Variants in RALY observed in about 807,000 individuals in gnomAD.
RALY encodes the protein RALY heterogeneous nuclear ribonucleoprotein, also known as RNA-binding protein Raly.
Under a neutral mutation model 30.7 loss-of-function variants are expected in RALY, and 15 were observed. The ratio of observed to expected loss-of-function variants is 0.49; its 90% CI spans 0.33 to 0.75. The LOEUF is 0.75. RALY is among the 30% of genes least tolerant of loss of function. RALY has a pLI of 0.02. For synonymous variants in RALY, 177 were observed against 170.8 expected, an observed-to-expected ratio of 1.04 and a Z score of -0.28; for missense variants, 339 against 414.3, an observed-to-expected ratio of 0.82 and a Z score of 1.58.
chr20:34,057,364 A>G (rs540429391), intron 2 of RALY, among the ~76,000 whole-genome samples: 1 of 152,346 alleles, frequency 6.6e-6, no homozygotes, highest in Admixed American at 6.5e-5. Flanking sequence ...ATTATTGGTT[A>G]AGAATTTTAA....
intron 2 of RALY, among the ~76,000 whole-genome samples, chr20:34,052,802 C>T (rs1045395655): frequency 5.9e-5 from 9 of 152,148 alleles, no homozygotes; most frequent in African/African-American, 2.2e-4. Context: ...CAGTCCAGCT[C>T]CTACTAAGAA....
intron 1 of RALY, among the ~76,000 whole-genome samples, chr20:34,024,556 A>G (rs2031948491): frequency 1.3e-5 from 2 of 152,136 alleles, no homozygotes; most frequent in South Asian, 4.1e-4. Flanking sequence ...ATTGAGTTTC[A>G]TCTATTTATG....
intron 1 of RALY, among the ~76,000 whole-genome samples, chr20:34,028,062 C>T (rs1395952295): frequency 2.0e-5 from 3 of 152,114 alleles, no homozygotes; most frequent in African/African-American, 7.2e-5. Context: ...GAGGCCAAGG[C>T]AAGCAGATAA....
intron 8 of RALY, chr20:34,077,712 C>T (rs2033934382): frequency 9.0e-6 from 2 of 222,798 alleles, no homozygotes; most frequent in Non-Finnish European, 1.8e-5. Flanking sequence ...GCCGGCAGGC[C>T]ATTTGACAAG....
chr20:34,066,295 A>G (rs774018375), intron 2 of RALY, among the ~76,000 whole-genome samples: 5 of 151,504 alleles, frequency 3.3e-5, no homozygotes, highest in Non-Finnish European at 5.9e-5. Flanking sequence ...CCTGACTAGC[A>G]TGGTGAAACC....
At chr20:34,027,744 A>G (rs2032097744) in intron 1 of RALY, among the ~76,000 whole-genome samples, 1 of 152,240 alleles carries the variant, frequency 6.6e-6, no homozygotes, top group Admixed American at 6.5e-5. Context: ...GACTAATTAG[A>G]TAGAAGGTTC....
intron 4 of RALY, 76 bp downstream of exon 4, chr20:34,073,711 CAG>C: frequency 6.5e-7 from 1 of 1,542,104 alleles, no homozygotes; most frequent in Non-Finnish European, 9.0e-7. Context: ...GCTGGTGTGA[CAG>C]TGTGCTGAAT....
chr20:34,080,807 T>C lies in RALY; in HGVS notation c.*902T>C, dbSNP rs567954760. ...CCTGCTTACTCCAGCCTCTCCTGTT[T>C]CTTGTCACCACCCCTTTCCTGCCCC... is the stretch of plus-strand genomic sequence containing the variant. On this transcript the variant is annotated 3_prime_UTR_variant, in exon 10 of 10. Transcript: ENST00000246194. 2.0e-5 allele frequency: 3 copies of C among 152,520 alleles called. No individual in the cohort carries two copies. In the East Asian group the frequency reaches 5.8e-4, roughly 29 times the overall value. 9.4% of individuals were successfully genotyped at this position (152,520 alleles called of 1,614,324 possible). A position where few individuals can be genotyped will look rare whatever the true frequency, so the allele number is the denominator to read the frequency against.
chr20:34,058,688 A>G (rs1037564733), intron 2 of RALY, among the ~76,000 whole-genome samples: 3 of 152,128 alleles, frequency 2.0e-5, no homozygotes, highest in Admixed American at 6.5e-5. Context: ...CATTGGCTCA[A>G]TGAGTTTAAT....
chr20:34,022,871 G>A (rs1474496124), intron 1 of RALY, among the ~76,000 whole-genome samples: 1 of 152,182 alleles, frequency 6.6e-6, no homozygotes, highest in Non-Finnish European at 1.5e-5. Context: ...TCATAGCATA[G>A]CATTTTTTCC....
chr20:34,057,644 G>A (rs1199710826), intron 2 of RALY, among the ~76,000 whole-genome samples: 13 of 146,360 alleles, frequency 8.9e-5, no homozygotes, highest in African/African-American at 3.3e-4. Flanking sequence ...TCCAGCCTGG[G>A]CGACAGAGCG....
intron 2 of RALY, among the ~76,000 whole-genome samples, chr20:34,061,165 C>T (rs2033404591): frequency 1.3e-5 from 2 of 152,164 alleles, no homozygotes; most frequent in Non-Finnish European, 2.9e-5. Flanking sequence ...AATATACCCC[C>T]AGGCTTCAGG....
At chr20:34,006,874 CG>C (rs1568650740) in intron 1 of RALY, among the ~76,000 whole-genome samples, 1 of 152,096 alleles carries the variant, frequency 6.6e-6, no homozygotes, top group African/African-American at 2.4e-5. Flanking sequence ...AATGTATCCC[CG>C]TTGCTAAGTG....
chr20:34,020,156 G>C (rs919403025), intron 1 of RALY, among the ~76,000 whole-genome samples: 6 of 152,206 alleles, frequency 3.9e-5, no homozygotes, highest in Admixed American at 3.9e-4. Context: ...AGAACTCCCA[G>C]TAAATTAGAT....
At chr20:34,012,988 A>G (rs921945794) in intron 1 of RALY, among the ~76,000 whole-genome samples, 1 of 152,238 alleles carries the variant, frequency 6.6e-6, no homozygotes, top group African/African-American at 2.4e-5. Context: ...TAGAAACGGT[A>G]CTTGGACTAC....
chr20:34,000,200 T>C (rs1249192161), intron 1 of RALY, among the ~76,000 whole-genome samples: 1 of 152,168 alleles, frequency 6.6e-6, no homozygotes, highest in African/African-American at 2.4e-5. Context: ...CACAGACCCT[T>C]AGGAATAGAG....
intron 2 of RALY, among the ~76,000 whole-genome samples, chr20:34,059,812 A>G (rs1484204356): frequency 6.6e-6 from 1 of 152,142 alleles, no homozygotes; most frequent in Non-Finnish European, 1.5e-5. Context: ...AGAGATACCA[A>G]ATAGTGAGCA....
intron 2 of RALY, among the ~76,000 whole-genome samples, chr20:34,060,064 T>G (rs2033370445): frequency 6.6e-6 from 1 of 152,260 alleles, no homozygotes; most frequent in African/African-American, 2.4e-5. Flanking sequence ...TCCTTTTATG[T>G]TCAAGGCACA....
intron 5 of RALY, among the ~76,000 whole-genome samples, chr20:34,075,511 A>G (rs2033849488): frequency 6.6e-6 from 1 of 151,906 alleles, no homozygotes; most frequent in Non-Finnish European, 1.5e-5. Context: ...AACTCTGAGC[A>G]GAGGTTGGGG....
Sources: gnomAD v4.1 joint callset for allele counts (sites outside exome capture counted in the v4.1 genomes callset) on GRCh38, gnomAD v4.1.1 for gene constraint, MANE v1.5 for transcripts, NCBI Gene and HGNC (gene_info 2026-07-23, HGNC 2026-07-21) for gene names.